The following RAPGEF5 variants were observed in gnomAD, a reference collection of about 807,000 sequenced individuals.
The protein encoded by RAPGEF5 is Rap guanine nucleotide exchange factor 5, also known as M-Ras-regulated GEF.
RAPGEF5 carries 65 observed loss-of-function variants against 125.2 expected under a neutral mutation model. The ratio of observed to expected loss-of-function variants is 0.52; its 90% CI spans 0.43 to 0.64. The LOEUF (loss-of-function observed/expected upper bound fraction) is 0.64, where lower values mean the gene tolerates loss of function less well. Among genes scored for constraint, RAPGEF5 ranks in the 30% least tolerant of loss-of-function variants. The pLI is 0.00. For synonymous variants in RAPGEF5, 391 were observed against 385.9 expected, an observed-to-expected ratio of 1.01 and a Z score of -0.16; for missense variants, 958 against 1,048.1, an observed-to-expected ratio of 0.91 and a Z score of 1.19.
intron 7 of RAPGEF5, among the ~76,000 whole-genome samples, chr7:22,234,671 A>G (rs928912728): frequency 1.3e-5 from 2 of 152,184 alleles, no homozygotes; most frequent in African/African-American, 2.4e-5. Context: ...AAATGTATCT[A>G]TTTGTAAATT....
intron 1 of RAPGEF5, among the ~76,000 whole-genome samples, chr7:22,337,662 A>T (rs1292865264): frequency 6.6e-6 from 1 of 152,026 alleles, no homozygotes; most frequent in Non-Finnish European, 1.5e-5. Flanking sequence ...GGTTCAAGGC[A>T]AGATAGAGTT....
At chr7:22,141,027 A>G (rs967440999) in intron 20 of RAPGEF5, among the ~76,000 whole-genome samples, 1 of 152,168 alleles carries the variant, frequency 6.6e-6, no homozygotes, top group Non-Finnish European at 1.5e-5. Flanking sequence ...CTTCCCTCAG[A>G]TGCCATCCCT....
At chr7:22,212,104 G>C (rs1475156212) in intron 9 of RAPGEF5, among the ~76,000 whole-genome samples, 1 of 151,984 alleles carries the variant, frequency 6.6e-6, no homozygotes, top group East Asian at 1.9e-4. Context: ...CTCCCGAGTA[G>C]CTGGGACTAT....
intron 9 of RAPGEF5, among the ~76,000 whole-genome samples, chr7:22,208,856 T>C (rs889111720): frequency 2.6e-5 from 4 of 152,214 alleles, no homozygotes; most frequent in African/African-American, 9.7e-5. Context: ...TAGCCAGATA[T>C]GGAACGTAAA....
chr7:22,159,229 A>G (rs1783907209), intron 14 of RAPGEF5, among the ~76,000 whole-genome samples: 1 of 152,200 alleles, frequency 6.6e-6, no homozygotes, highest in African/African-American at 2.4e-5. Context: ...CATAATGTAG[A>G]CTGCAATAAA....
At chr7:22,152,501 A>G (rs1783659759) in intron 17 of RAPGEF5, among the ~76,000 whole-genome samples, 1 of 152,230 alleles carries the variant, frequency 6.6e-6, no homozygotes, top group African/African-American at 2.4e-5. Flanking sequence ...TGAAAGATTA[A>G]AACTGATAGA....
chr7:22,228,080 G>A (rs1785963592), intron 8 of RAPGEF5, among the ~76,000 whole-genome samples: 1 of 152,152 alleles, frequency 6.6e-6, no homozygotes, highest in Non-Finnish European at 1.5e-5. Flanking sequence ...TGAGATAGAT[G>A]GTCAGCGTGA....
At chr7:22,129,609 C>G (rs987038007) in intron 24 of RAPGEF5, among the ~76,000 whole-genome samples, 3 of 152,208 alleles carry the variant, frequency 2.0e-5, no homozygotes, top group African/African-American at 7.2e-5. Flanking sequence ...CACAGCAACA[C>G]AAAACACGTA....
chr7:22,267,072 C>G, intron 6 of RAPGEF5, 60 bp from the exon 7 acceptor site: 1 of 1,498,538 alleles, frequency 6.7e-7, no homozygotes, highest in Non-Finnish European at 9.2e-7. Flanking sequence ...CCATCAAAAG[C>G]AGTACTTTGT....
In RAPGEF5 at chr7:22,139,477, C is replaced by T. The variant is rs566670711; in HGVS notation, c.2277+548G>A. ...TCCCACATGAATGTCGCAGTCCACA[C>T]GTCAGACCTTGTGCGAACTTGAGTG... On this transcript the variant is annotated intron_variant, in intron 21 of 25. Coordinates refer to ENST00000665637, the MANE Select transcript of RAPGEF5 (RefSeq NM_012294.5). Among the ~76,000 whole-genome samples, 25 of 152,338 alleles carry T rather than the reference C, an allele frequency of 1.6e-4. No individual in the cohort carries two copies. The South Asian group carries it at 3.3e-3, about 20-fold the overall frequency.
chr7:22,122,837 C>A (rs1392668586), intron 25 of RAPGEF5, among the ~76,000 whole-genome samples: 3 of 152,202 alleles, frequency 2.0e-5, no homozygotes, highest in Non-Finnish European at 4.4e-5. Flanking sequence ...TTAACTGTCA[C>A]AGCCAGGATT....
intron 13 of RAPGEF5, among the ~76,000 whole-genome samples, chr7:22,161,910 A>T (rs913675753): frequency 3.3e-5 from 5 of 152,224 alleles, no homozygotes; most frequent in African/African-American, 1.2e-4. Flanking sequence ...TTGAAAAGAT[A>T]TTGAAGCCTA....
At chr7:22,283,477 T>C (rs908509423) in intron 6 of RAPGEF5, among the ~76,000 whole-genome samples, 5 of 152,206 alleles carry the variant, frequency 3.3e-5, no homozygotes, top group Admixed American at 2.0e-4. Context: ...GCTATAACAC[T>C]GACAGAAGTA....
chr7:22,320,600 T>C (rs1464943460), intron 1 of RAPGEF5, among the ~76,000 whole-genome samples: 1 of 152,178 alleles, frequency 6.6e-6, no homozygotes, highest in Non-Finnish European at 1.5e-5. Context: ...TAACATTCTT[T>C]CCCTGATATA....
intron 16 of RAPGEF5, 82 bp from the exon 17 acceptor site, chr7:22,154,686 C>A (rs1783744567): frequency 6.7e-7 from 1 of 1,488,084 alleles, no homozygotes; most frequent in South Asian, 1.3e-5. Flanking sequence ...GCACCTTGAT[C>A]AACTTTTCTA....
At chr7:22,299,510 T>A (rs1783147095) in intron 5 of RAPGEF5, among the ~76,000 whole-genome samples, 1 of 152,180 alleles carries the variant, frequency 6.6e-6, no homozygotes, top group Non-Finnish European at 1.5e-5. Flanking sequence ...TCAATAGTCA[T>A]ATATATTTTA....
At chr7:22,234,784 C>A (rs943907557) in intron 7 of RAPGEF5, among the ~76,000 whole-genome samples, 1 of 152,074 alleles carries the variant, frequency 6.6e-6, no homozygotes, top group Non-Finnish European at 1.5e-5. Context: ...AACAGGTTTT[C>A]TCTCCCCAGG....
intron 7 of RAPGEF5, among the ~76,000 whole-genome samples, chr7:22,240,209 C>CAAAA (rs35460153): frequency 1.0e-3 from 80 of 78,938 alleles, no homozygotes; most frequent in African/African-American, 3.2e-3. Flanking sequence ...GACTCCACCT[C>CAAAA]AAAAAAAAAA....
chr7:22,136,204 C>A, intron 22 of RAPGEF5, 79 bp from the exon 23 acceptor site: 2 of 1,054,430 alleles, frequency 1.9e-6, no homozygotes, highest in South Asian at 1.6e-5. Context: ...CTTTGCTACA[C>A]AATTTGAACA....
Sources: gnomAD v4.1 joint callset for allele counts (sites outside exome capture counted in the v4.1 genomes callset) on GRCh38, gnomAD v4.1.1 for gene constraint, MANE v1.5 for transcripts, NCBI Gene and HGNC (gene_info 2026-07-23, HGNC 2026-07-21) for gene names.